The following GLIS3 variants were observed in gnomAD, a reference collection of about 807,000 sequenced individuals.
The protein encoded by GLIS3 is zinc finger protein GLIS3.
Under a neutral mutation model 78.6 loss-of-function variants are expected in GLIS3, and 53 were observed. The ratio of observed to expected loss-of-function variants is 0.67; its 90% CI spans 0.54 to 0.85. The LOEUF (loss-of-function observed/expected upper bound fraction) is 0.85. GLIS3 is among the 40% of genes least tolerant of loss of function. The pLI, the probability that GLIS3 is intolerant of heterozygous loss-of-function variation, is 0.00. For synonymous variants in GLIS3, 684 were observed against 509.9 expected (o/e 1.34, Z -4.60); for missense variants, 1,703 against 1,231.1 (o/e 1.38, Z -5.74).
At chr9:4,019,116 G>C (rs944074438) in intron 4 of GLIS3, among the ~76,000 whole-genome samples, 1 of 152,160 alleles carries the variant, frequency 6.6e-6, no homozygotes, top group African/African-American at 2.4e-5. Flanking sequence ...CGGGATGAAG[G>C]ATGGGGTTAG....
chr9:3,884,476 A>C (rs1821941262), intron 7 of GLIS3, among the ~76,000 whole-genome samples: 1 of 152,180 alleles, frequency 6.6e-6, no homozygotes, highest in Non-Finnish European at 1.5e-5. Context: ...CTCAAGCTTT[A>C]ATGTGCAAAT....
At chr9:4,269,081 C>G (rs960624169) in intron 2 of GLIS3, among the ~76,000 whole-genome samples, 1 of 152,214 alleles carries the variant, frequency 6.6e-6, no homozygotes, top group African/African-American at 2.4e-5. Context: ...TCCAAGCTTT[C>G]TCACACGACA....
intron 4 of GLIS3, among the ~76,000 whole-genome samples, chr9:3,940,897 G>A (rs141257352): frequency 9.8e-4 from 149 of 152,252 alleles, no homozygotes; most frequent in African/African-American, 3.4e-3. Context: ...CAAGGTCAAC[G>A]TGTACGGCTG....
intron 2 of GLIS3, among the ~76,000 whole-genome samples, chr9:4,201,860 G>A (rs1350053068): frequency 6.6e-6 from 1 of 152,118 alleles, no homozygotes; most frequent in African/African-American, 2.4e-5. Flanking sequence ...ATGAAGCCAG[G>A]CATGGTAGCT....
At chr9:4,042,097 G>T (rs747697119) in intron 4 of GLIS3, among the ~76,000 whole-genome samples, 3 of 151,960 alleles carry the variant, frequency 2.0e-5, no homozygotes, top group African/African-American at 7.3e-5. Flanking sequence ...TGAATAGAAC[G>T]CACGTTAATC....
intron 2 of GLIS3, among the ~76,000 whole-genome samples, chr9:4,246,842 T>C (rs1463703545): frequency 1.3e-5 from 2 of 152,212 alleles, no homozygotes; most frequent in African/African-American, 4.8e-5. Flanking sequence ...TTTCATTGGT[T>C]TTTATGAATA....
chr9:4,317,921 T>C (rs1360319702), intron 2 of GLIS3, among the ~76,000 whole-genome samples: 1 of 152,244 alleles, frequency 6.6e-6, no homozygotes, highest in African/African-American at 2.4e-5. Flanking sequence ...GCCAAGGGAA[T>C]TGTTCCTTGT....
chr9:4,452,414 T>G, the GLIS3 span, among the ~76,000 whole-genome samples: 1 of 152,108 alleles, frequency 6.6e-6, no homozygotes, highest in Non-Finnish European at 1.5e-5. Context: ...GATTGTATAT[T>G]TAGGAAACCC....
intron 2 of GLIS3, among the ~76,000 whole-genome samples, chr9:4,176,674 AG>A (rs1373551554): frequency 6.6e-6 from 1 of 152,076 alleles, no homozygotes; most frequent in Non-Finnish European, 1.5e-5. Flanking sequence ...CCCAGGCTAC[AG>A]TGTAATGGTG....
intron 6 of GLIS3, among the ~76,000 whole-genome samples, chr9:3,905,121 T>C (rs541040652): frequency 1.9e-4 from 28 of 148,222 alleles, no homozygotes; most frequent in East Asian, 1.0e-3. Context: ...TATAGGCGCC[T>C]GCCGCCACGC....
intron 2 of GLIS3, among the ~76,000 whole-genome samples, chr9:4,330,220 AG>A (rs1817664442): frequency 1.3e-5 from 2 of 152,356 alleles, no homozygotes; most frequent in South Asian, 4.1e-4. Context: ...GGAAAGAAGC[AG>A]GGCTCCCAAG....
chr9:4,453,788 A>C, the GLIS3 span, among the ~76,000 whole-genome samples: 2 of 152,152 alleles, frequency 1.3e-5, no homozygotes, highest in Non-Finnish European at 2.9e-5. Context: ...CATAGTTGGG[A>C]ATTGAACAAT....
At chr9:4,297,533 G>C (rs1460258878) in intron 1 of GLIS3, among the ~76,000 whole-genome samples, 2 of 152,190 alleles carry the variant, frequency 1.3e-5, no homozygotes, top group Non-Finnish European at 2.9e-5. Context: ...CCCAACTCTC[G>C]GGAGATGCTG....
At chr9:3,866,095 A>G (rs142827775) in intron 8 of GLIS3, among the ~76,000 whole-genome samples, 88 of 152,272 alleles carry the variant, frequency 5.8e-4, no homozygotes, top group African/African-American at 2.0e-3. Flanking sequence ...AGAAATAACA[A>G]ATGAATGAGA....
chr9:4,097,574 A>G (rs891462391), intron 4 of GLIS3, among the ~76,000 whole-genome samples: 8 of 152,212 alleles, frequency 5.3e-5, no homozygotes, highest in African/African-American at 1.9e-4. Context: ...ATTTATGGGT[A>G]ATTCAATGCA....
intron 2 of GLIS3, among the ~76,000 whole-genome samples, chr9:4,233,550 C>T (rs763654102): frequency 2.5e-4 from 38 of 152,172 alleles, no homozygotes; most frequent in Admixed American, 2.6e-4. Context: ...TAAACCATGA[C>T]GTAAAGAGAT....
chr9:4,483,420 T>C, the GLIS3 span, among the ~76,000 whole-genome samples: 3 of 152,172 alleles, frequency 2.0e-5, no homozygotes, highest in African/African-American at 7.2e-5. Context: ...ATTTGTTCCT[T>C]ACATAAGAGG....
chr9:4,406,372 G>T, the GLIS3 span, among the ~76,000 whole-genome samples: 11 of 152,172 alleles, frequency 7.2e-5, no homozygotes, highest in Non-Finnish European at 1.6e-4. Context: ...CTGGGCTGGA[G>T]TGCAATTGTG....
Position 4,096,665 on chromosome 9 carries a change from G to A in GLIS3, c.1710+21103C>T, listed in dbSNP as rs186405255. Among the ~76,000 whole-genome samples the A allele has an allele frequency of 3.8e-4, 58 of 152,256 alleles. 1 individual carries two copies. Among genetic ancestry groups the A allele is most frequent in the Admixed American group, 2.0e-3 (30 of 15,302 alleles). On this transcript the variant is annotated intron_variant, in intron 4 of 10. Coordinates refer to ENST00000381971, the MANE Select transcript of GLIS3 (RefSeq NM_001042413.2). Reference sequence around the variant, plus strand: ...ATCCAGTCTTCTAAACAAGGCTGGAGAGAGAGGAGAGGGGAGAGGTAGAAA... The same window carrying A: ...ATCCAGTCTTCTAAACAAGGCTGGAAAGAGAGGAGAGGGGAGAGGTAGAAA...
Sources: gnomAD v4.1 joint callset for allele counts (sites outside exome capture counted in the v4.1 genomes callset) on GRCh38, gnomAD v4.1.1 for gene constraint, MANE v1.5 for transcripts, NCBI Gene and HGNC (gene_info 2026-07-23, HGNC 2026-07-21) for gene names.